The following AIDA variants were observed in gnomAD, a reference collection of about 807,000 sequenced individuals.
AIDA encodes the protein axin interactor, dorsalization associated.
In AIDA, 18 loss-of-function variants were observed where a neutral mutation model predicts 42.7. The observed-to-expected ratio is 0.42, with a 90% CI of 0.29 to 0.63. AIDA has a LOEUF of 0.63. Among genes scored for constraint, AIDA ranks in the 20% least tolerant of loss-of-function variants. AIDA has a pLI of 0.19. For synonymous variants in AIDA, 104 were observed against 122.9 expected (o/e 0.85, Z 1.02); for missense variants, 250 against 354.1 (o/e 0.71, Z 2.36).
chr1:222,706,413 A>G (rs72740113), intron 1 of AIDA, among the ~76,000 whole-genome samples: 23,447 of 152,212 alleles, frequency 0.15, 1,966 homozygotes, highest in Middle Eastern at 0.22. Flanking sequence ...CAAAAGTAGA[A>G]ACAATCCAAA....
At chr1:222,706,321 C>T (rs1209231202) in intron 1 of AIDA, among the ~76,000 whole-genome samples, 2 of 152,232 alleles carry the variant, frequency 1.3e-5, no homozygotes, top group African/African-American at 4.8e-5. Context: ...CACTCCTAGG[C>T]ATCTACCCAA....
rs1275491469 is a variant in AIDA, at chr1:222,668,333, A to G, written c.*1560T>C. 1 of 126,288 alleles carries G rather than the reference A, an allele frequency of 7.9e-6. No homozygotes were observed. The highest frequency in any genetic ancestry group is 1.6e-5 in the Non-Finnish European group (1 of 60,870). 7.8% of individuals were successfully genotyped at this position (126,288 alleles called of 1,614,324 possible). On this transcript the variant is annotated 3_prime_UTR_variant, in exon 10 of 10. Transcript: ENST00000340020. ...GCCTCTTGCTCCTTGAAGAGCTTACAGTCTAGGGATTTGACAACTCACAGT... is the reference window on the plus strand; with the variant it reads ...GCCTCTTGCTCCTTGAAGAGCTTACGGTCTAGGGATTTGACAACTCACAGT...
chr1:222,673,179 T>G (rs919656504), intron 8 of AIDA, 134 bp downstream of exon 8: 24 of 767,250 alleles, frequency 3.1e-5, no homozygotes, highest in Non-Finnish European at 4.5e-5. Context: ...TATGTATATT[T>G]ATTCAAATCA....
chr1:222,670,502 T>C (rs1023456582), intron 8 of AIDA, among the ~76,000 whole-genome samples: 1 of 152,188 alleles, frequency 6.6e-6, no homozygotes, highest in African/African-American at 2.4e-5. Context: ...TGAGCTAGAC[T>C]GCCTCAAGAA....
chr1:222,706,903 C>T (rs1024540924), intron 1 of AIDA, among the ~76,000 whole-genome samples: 7 of 148,620 alleles, frequency 4.7e-5, no homozygotes, highest in Admixed American at 2.0e-4. Context: ...ATTCAAATTT[C>T]GTGAAATGTC....
chr1:222,692,212 T>G (rs1293279638), intron 4 of AIDA, among the ~76,000 whole-genome samples: 1 of 152,158 alleles, frequency 6.6e-6, no homozygotes, highest in Non-Finnish European at 1.5e-5. Flanking sequence ...GAGGTGAGTT[T>G]ATAATTTCAC....
In AIDA at chr1:222,679,358, G is replaced by A. The variant is rs75608207; in HGVS notation, c.461-3140C>T. On this transcript the variant is annotated intron_variant, in intron 6 of 9. Transcript: ENST00000340020. ...ATAAAACTTGAAGACTGTAACTGAA[G>A]TAAGAAAAGAAATCATACATGAGCC... is the stretch of plus-strand genomic sequence containing the variant. 2.0e-5 allele frequency among the ~76,000 whole-genome samples: 3 copies of A among 152,084 alleles called. No individual in the cohort carries two copies. The South Asian group carries it at 6.2e-4, about 31-fold the overall frequency.
rs1459889399 is a variant in AIDA, at chr1:222,712,121, G to A, written c.110+87C>T. 4.5e-6 allele frequency: 7 copies of A among 1,539,404 alleles called. No homozygotes were observed. The East Asian group carries it at 1.5e-4, about 33-fold the overall frequency. On this transcript the variant is annotated intron_variant, in intron 1 of 9. Coordinates refer to ENST00000340020, the MANE Select transcript of AIDA (RefSeq NM_022831.4). ...CCCACCCTGAGAAGCCTTGGCTGCAGATACGGTGATGAGAGACACCGACAG... is the reference window on the plus strand; with the variant it reads ...CCCACCCTGAGAAGCCTTGGCTGCAAATACGGTGATGAGAGACACCGACAG...
chr1:222,706,854 C>CAAAAAAAAAAAAAAAAAAAAAAAAAAAA (rs767799244), intron 1 of AIDA, among the ~76,000 whole-genome samples: 1 of 72,100 alleles, frequency 1.4e-5, no homozygotes, highest in Non-Finnish European at 2.9e-5. Context: ...GACTGCGCCT[C>CAAAAAAAAAAAAAAAAAAAAAAAAAAAA]AAAAAAAAAA....
At chr1:222,702,040 C>A (rs1027243977) in intron 2 of AIDA, among the ~76,000 whole-genome samples, 2 of 151,514 alleles carry the variant, frequency 1.3e-5, no homozygotes, top group Non-Finnish European at 2.9e-5. Context: ...AAAAAAAATT[C>A]TTTTAAATTG....
chr1:222,676,301 C>A, intron 6 of AIDA, 83 bp from the exon 7 acceptor site: 1 of 1,419,972 alleles, frequency 7.0e-7, no homozygotes, highest in Admixed American at 2.7e-5. Context: ...TACAGCCTTG[C>A]TTGTAACTGA....
chr1:222,700,047 C>T (rs1246410703), intron 2 of AIDA, among the ~76,000 whole-genome samples: 2 of 152,082 alleles, frequency 1.3e-5, no homozygotes, highest in African/African-American at 4.8e-5. Context: ...CGTGAGCCAC[C>T]GCGTCCGGCT....
chr1:222,680,892 T>C (rs1294203260), intron 6 of AIDA, among the ~76,000 whole-genome samples: 1 of 152,088 alleles, frequency 6.6e-6, no homozygotes, highest in African/African-American at 2.4e-5. Flanking sequence ...AATGCCTGCA[T>C]GTGAAATTAC....
intron 8 of AIDA, 98 bp downstream of exon 8, chr1:222,673,215 T>C (rs1664479768): frequency 9.0e-7 from 1 of 1,108,504 alleles, no homozygotes; most frequent in African/African-American, 1.6e-5. Flanking sequence ...CATTTACTTC[T>C]GCCAGATACT....
rs1655212040 is a variant in AIDA, at chr1:222,686,962, C to A, written c.428G>T (p.Gly143Val). The A allele has an allele frequency of 6.2e-7, 1 of 1,613,706 alleles. No individual in the cohort carries two copies. Among genetic ancestry groups the A allele is most frequent in the Non-Finnish European group, 8.5e-7 (1 of 1,179,920 alleles). Residue 143 changes from glycine (G) to valine (V), a missense_variant, in exon 6 of 10, where the codon GGG (glycine) becomes GTG (valine). Around this residue, in one of 4 missense-constraint regions of AIDA, gnomAD observed 199 missense variants for 232.6 expected, o/e 0.86. Coordinates refer to ENST00000340020, the MANE Select transcript of AIDA (RefSeq NM_022831.4). Reference sequence around the variant, plus strand: ...TCTAGCAGGAAAAGAATCAGGAGACCCTGCTCCAGCACCACCCTCTTCTTC... The same window carrying A: ...TCTAGCAGGAAAAGAATCAGGAGACACTGCTCCAGCACCACCCTCTTCTTC... ...EDEEEGGAGA[G>V]SPDSFPARVP...
chr1:222,676,381 TTTAA>T (rs1664543409), intron 6 of AIDA, among the ~76,000 whole-genome samples, 163 bp from the exon 7 acceptor site: 1 of 152,220 alleles, frequency 6.6e-6, no homozygotes, highest in African/African-American at 2.4e-5. Context: ...TTTCCAAATG[TTTAA>T]TTATATGTAA....
At chr1:222,707,064 T>C (rs897555613) in intron 1 of AIDA, among the ~76,000 whole-genome samples, 1 of 152,166 alleles carries the variant, frequency 6.6e-6, no homozygotes, top group Non-Finnish European at 1.5e-5. Flanking sequence ...GTTGCACATC[T>C]TGGTAAATTT....
rs1664395903 is a variant in AIDA, at chr1:222,668,974, C to A, written c.*919G>T. On this transcript the variant is annotated 3_prime_UTR_variant, in exon 10 of 10. Coordinates refer to ENST00000340020, the MANE Select transcript of AIDA (RefSeq NM_022831.4). The stretch of plus-strand genomic sequence containing the variant: ...ATCTTTCCAGATTTTGCATACTCCT[C>A]ACTGTAAGAAGAGGTATGCAGGTTT... 6.6e-6 allele frequency: 1 copy of A among 152,028 alleles called. No individual in the cohort carries two copies. The highest frequency in any genetic ancestry group is 1.5e-5 in the Non-Finnish European group (1 of 68,010). 9.4% of individuals were successfully genotyped at this position (152,028 alleles called of 1,614,324 possible).
intron 1 of AIDA, among the ~76,000 whole-genome samples, chr1:222,706,813 C>T (rs1477504244): frequency 6.6e-6 from 1 of 150,876 alleles, no homozygotes; most frequent in Non-Finnish European, 1.5e-5. Flanking sequence ...CTAGATCACC[C>T]CCCTGCACTC....
Sources: allele counts gnomAD v4.1 joint callset (sites outside exome capture counted in the v4.1 genomes callset), GRCh38; gene constraint gnomAD v4.1.1; regional missense constraint gnomAD v4.1.1; transcripts MANE v1.5; gene names NCBI Gene and HGNC (gene_info 2026-07-23, HGNC 2026-07-21).